The following ATP10B variants were observed in gnomAD, a reference collection of about 807,000 sequenced individuals.
The protein encoded by ATP10B is phospholipid-transporting ATPase VB.
ATP10B carries 122 observed loss-of-function variants against 141.2 expected under a neutral mutation model. The observed-to-expected ratio is 0.86, with a 90% CI of 0.75 to 1.00. ATP10B has a LOEUF of 1.00. ATP10B is among the 50% of genes least tolerant of loss of function. The probability of loss-of-function intolerance (pLI) is 0.00; values close to 1 mark genes in which losing one functional copy is unlikely to be tolerated. For missense variants in ATP10B, 1,876 were observed against 1,825.3 expected (o/e 1.03, Z -0.51); for synonymous variants, 685 against 692.0 (o/e 0.99, Z 0.16).
chr5:160,709,933 C>G (rs1765280989), intron 3 of ATP10B, among the ~76,000 whole-genome samples: 1 of 103,404 alleles, frequency 9.7e-6, no homozygotes, highest in African/African-American at 3.8e-5. Flanking sequence ...CTACAAAGGA[C>G]ATGAACTCAT....
At chr5:160,854,678 C>A (rs929015013), upstream of ATP10B, among the ~76,000 whole-genome samples, 2 of 152,042 alleles carry the variant, frequency 1.3e-5, no homozygotes, top group Non-Finnish European at 2.9e-5. Flanking sequence ...AGGGTATATA[C>A]CCAGTAATGG....
chr5:160,644,187 G>T lies in ATP10B; in HGVS notation c.819C>A (p.Gly273=). The change falls in exon 9 of 26, where the codon GGC becomes GGA. Residue 273 remains glycine (G), a synonymous_variant. Transcript: ENST00000327245. ...GFGCESLLLR[G]CTIRNTEMAV... is the part of the protein sequence containing the mutation. Reference sequence around the variant, plus strand: ...CCATCTCGGTGTTTCTGATGGTGCAGCCTCGAAGCAGAAGACTCTCACAGC... The same window carrying T: ...CCATCTCGGTGTTTCTGATGGTGCATCCTCGAAGCAGAAGACTCTCACAGC... 3 of 1,613,968 alleles carry T rather than the reference G, an allele frequency of 1.9e-6. No homozygotes were observed. Among genetic ancestry groups the T allele is most frequent in the East Asian group, 2.2e-5 (1 of 44,878 alleles).
At chr5:160,567,176 A>G (rs1754598888) in intron 25 of ATP10B, among the ~76,000 whole-genome samples, 1 of 152,084 alleles carries the variant, frequency 6.6e-6, no homozygotes, top group Non-Finnish European at 1.5e-5. Context: ...ATGCTTTTCA[A>G]TTTCCCACAA....
At position 160,569,513 on chromosome 5, in the gene ATP10B, A is replaced by G; in HGVS notation, c.3921T>C (p.Val1307=). Residue 1307 remains valine, a synonymous_variant, in exon 25 of 26, where the codon GTT becomes GTC. Transcript: ENST00000327245. The part of the protein sequence containing the change: ...TFYLVCFLTP[V]VALLPRYFFL... ...GCTCAAACCTTGGGAGAAGAGCAAC[A>G]ACTGGTGTGAGAAAGCAGACGAGGT... The G allele has an allele frequency of 1.9e-6, 3 of 1,613,900 alleles. No individual in the cohort carries two copies. The highest frequency in any genetic ancestry group is 2.5e-6 in the Non-Finnish European group (3 of 1,179,852).
chr5:160,575,557 A>G (rs966998321), intron 24 of ATP10B, among the ~76,000 whole-genome samples: 12 of 152,204 alleles, frequency 7.9e-5, no homozygotes, highest in African/African-American at 2.4e-4. Context: ...TTGAGCCTCA[A>G]TTTCCATATC....
the ATP10B span, among the ~76,000 whole-genome samples, chr5:160,873,785 G>A: frequency 4.6e-5 from 7 of 152,348 alleles, no homozygotes; most frequent in South Asian, 2.1e-4. Context: ...ACGGCACCAG[G>A]AAAATTGGGT....
At position 160,621,880 on chromosome 5, in the gene ATP10B, G is replaced by A. The variant is rs200510089; in HGVS notation, c.1812+514C>T. On this transcript the variant is annotated intron_variant, in intron 14 of 25. Transcript: ENST00000327245. ...TTACACACAGTATTATTTTTAACCC[G>A]TATATAAAAACAGAGAGCAATATAG... 7.9e-5 allele frequency among the ~76,000 whole-genome samples: 12 copies of A among 152,202 alleles called. No individual in the cohort carries two copies. The East Asian group carries it at 1.3e-3, about 17-fold the overall frequency.
At chr5:160,689,581 AAT>A (rs1189965232) in intron 3 of ATP10B, among the ~76,000 whole-genome samples, 11 of 151,862 alleles carry the variant, frequency 7.2e-5, no homozygotes, top group Admixed American at 2.6e-4. Context: ...ACATAGCAAT[AAT>A]AGACAAACAG....
chr5:160,819,372 G>A (rs1019446646), intron 1 of ATP10B, among the ~76,000 whole-genome samples: 2 of 152,048 alleles, frequency 1.3e-5, no homozygotes, highest in African/African-American at 2.4e-5. Context: ...CTTTCTCAGA[G>A]AAACAAAAGC....
At chr5:160,928,317 C>T in the ATP10B span, among the ~76,000 whole-genome samples, 46 of 152,228 alleles carry the variant, frequency 3.0e-4, no homozygotes, top group African/African-American at 7.9e-4. Context: ...CCCACAAGAG[C>T]GGGCCATTGA....
At chr5:160,682,757 C>T (rs752667376) in intron 6 of ATP10B, among the ~76,000 whole-genome samples, 5 of 151,858 alleles carry the variant, frequency 3.3e-5, no homozygotes, top group Admixed American at 1.3e-4. Flanking sequence ...GATGCTTTCT[C>T]GGCCGGGCGC....
At chr5:160,816,734 A>G (rs1449121250) in intron 1 of ATP10B, among the ~76,000 whole-genome samples, 1 of 152,230 alleles carries the variant, frequency 6.6e-6, no homozygotes, top group African/African-American at 2.4e-5. Context: ...CCTGATAAAC[A>G]TCGATGCAAA....
Position 160,723,722 on chromosome 5 carries a change from C to T in ATP10B, c.-330-6688G>A, listed in dbSNP as rs966474705. On this transcript the variant is annotated intron_variant, in intron 2 of 25. Coordinates refer to ENST00000327245, the MANE Select transcript of ATP10B (RefSeq NM_025153.3). The stretch of plus-strand genomic sequence containing the variant: ...GTTATTTACACTAATGTATAACAGT[C>T]TATTTCTTGTTGCCTCCACTAATAC... Among the ~76,000 whole-genome samples the T allele has an allele frequency of 2.6e-5, 4 of 152,154 alleles. No homozygotes were observed. In the East Asian group the frequency reaches 7.7e-4, roughly 29 times the overall value.
chr5:160,748,128 C>A (rs1767932234), intron 2 of ATP10B, among the ~76,000 whole-genome samples: 1 of 152,008 alleles, frequency 6.6e-6, no homozygotes, highest in Non-Finnish European at 1.5e-5. Context: ...CTGCAGGAAT[C>A]TGAAACATGC....
intron 1 of ATP10B, among the ~76,000 whole-genome samples, chr5:160,806,677 T>C (rs1376757693): frequency 6.6e-6 from 1 of 152,246 alleles, no homozygotes; most frequent in Non-Finnish European, 1.5e-5. Context: ...CTAATATGTT[T>C]TTAATCCACT....
chr5:160,900,029 G>T, the ATP10B span, among the ~76,000 whole-genome samples: 2 of 152,154 alleles, frequency 1.3e-5, no homozygotes, highest in East Asian at 3.8e-4. Flanking sequence ...GTGTCGTTGT[G>T]GTTGTTGTGT....
chr5:160,876,025 C>A, the ATP10B span, among the ~76,000 whole-genome samples: 3 of 61,606 alleles, frequency 4.9e-5, 1 homozygote, highest in African/African-American at 1.1e-4. Flanking sequence ...CACCTCTGCA[C>A]CAAGCCGACC....
intron 19 of ATP10B, among the ~76,000 whole-genome samples, chr5:160,606,453 T>A (rs754321802): frequency 6.6e-6 from 1 of 152,164 alleles, no homozygotes; most frequent in Non-Finnish European, 1.5e-5. Flanking sequence ...ATTAAGATGA[T>A]CTGAATATAA....
chr5:160,649,717 G>C (rs781503304), intron 7 of ATP10B, among the ~76,000 whole-genome samples: 3 of 152,088 alleles, frequency 2.0e-5, no homozygotes, highest in Non-Finnish European at 4.4e-5. Flanking sequence ...TATCACATTC[G>C]ATACCACAGA....
Sources: allele counts gnomAD v4.1 joint callset (sites outside exome capture counted in the v4.1 genomes callset), GRCh38; gene constraint gnomAD v4.1.1; transcripts MANE v1.5; gene names NCBI Gene and HGNC (gene_info 2026-07-23, HGNC 2026-07-21).